Variants in EEF1AKMT1 observed in about 807,000 individuals in gnomAD.
The protein encoded by EEF1AKMT1 is N-6 adenine-specific DNA methyltransferase 2 (putative).
In EEF1AKMT1, 18 loss-of-function variants were observed where a neutral mutation model predicts 21.0. That is an observed-to-expected ratio of 0.86 (90% confidence interval 0.59 to 1.27). EEF1AKMT1 has a LOEUF of 1.27. Among genes scored for constraint, EEF1AKMT1 ranks in the 50% most tolerant of loss-of-function variants. The pLI, the probability that EEF1AKMT1 is intolerant of heterozygous loss-of-function variation, is 0.00. For synonymous variants in EEF1AKMT1, 109 were observed against 94.8 expected (o/e 1.15, Z -0.87); for missense variants, 246 against 258.6 (o/e 0.95, Z 0.33).
intron 2 of EEF1AKMT1, among the ~76,000 whole-genome samples, chr13:20,743,140 C>T (rs2058881803): frequency 6.6e-6 from 1 of 152,148 alleles, no homozygotes; most frequent in African/African-American, 2.4e-5. Context: ...AATCTCAGCT[C>T]ACTACAACCT....
chr13:20,731,280 C>G (rs1018692099), intron 4 of EEF1AKMT1, among the ~76,000 whole-genome samples: 2 of 152,206 alleles, frequency 1.3e-5, no homozygotes, highest in East Asian at 3.8e-4. Context: ...CTCAGATTTA[C>G]TCTATTGAAT....
At chr13:20,759,424 C>T (rs61955739) in intron 1 of EEF1AKMT1, among the ~76,000 whole-genome samples, 2 of 151,626 alleles carry the variant, frequency 1.3e-5, no homozygotes, top group African/African-American at 2.4e-5. Flanking sequence ...CTAAAAAATA[C>T]AAACAATTCG....
chr13:20,751,916 AG>A (rs1274081502), intron 2 of EEF1AKMT1, among the ~76,000 whole-genome samples: 1 of 152,106 alleles, frequency 6.6e-6, no homozygotes, highest in Admixed American at 6.6e-5. Flanking sequence ...TATTGTAAAC[AG>A]GATTGCCTTC....
chr13:20,743,611 G>A (rs1282929301), intron 2 of EEF1AKMT1, among the ~76,000 whole-genome samples: 8 of 149,886 alleles, frequency 5.3e-5, no homozygotes, highest in African/African-American at 2.0e-4. Flanking sequence ...GTTTGCTTGA[G>A]AGCAAGGGCA....
At chr13:20,749,740 C>T (rs1040666062) in intron 2 of EEF1AKMT1, among the ~76,000 whole-genome samples, 1 of 152,052 alleles carries the variant, frequency 6.6e-6, no homozygotes, top group Admixed American at 6.6e-5. Context: ...AAAAATAATT[C>T]TAGGGTGAAC....
chr13:20,748,429 C>T (rs945422073), intron 2 of EEF1AKMT1, among the ~76,000 whole-genome samples: 3 of 144,740 alleles, frequency 2.1e-5, no homozygotes, highest in African/African-American at 5.1e-5. Context: ...AGCTAGACTC[C>T]GTCCAAAAAA....
rs950082122 is a variant in EEF1AKMT1, at chr13:20,773,035, G to C, written c.-20+886C>G. ...CTCCAAATACTTTTTATAAATTGCT[G>C]GATGATTCTCCCCTTAATCCAATTT... On this transcript the variant is annotated intron_variant, in intron 1 of 4. Coordinates refer to ENST00000382758, the MANE Select transcript of EEF1AKMT1 (RefSeq NM_001318939.2). Among the ~76,000 whole-genome samples, 7 of 152,180 alleles carry C rather than the reference G, an allele frequency of 4.6e-5. No homozygotes were observed. The East Asian group carries it at 1.2e-3, about 25-fold the overall frequency.
intron 2 of EEF1AKMT1, among the ~76,000 whole-genome samples, chr13:20,750,021 A>G (rs1293675272): frequency 6.6e-6 from 1 of 152,078 alleles, no homozygotes; most frequent in Non-Finnish European, 1.5e-5. Context: ...TTTTTCTGGA[A>G]TCTTATTTGT....
intron 2 of EEF1AKMT1, among the ~76,000 whole-genome samples, chr13:20,739,320 T>C (rs1028628356): frequency 6.6e-6 from 1 of 152,156 alleles, no homozygotes; most frequent in East Asian, 1.9e-4. Context: ...GAACAAACCT[T>C]CCACAGCATG....
At chr13:20,747,121 C>A in intron 2 of EEF1AKMT1, 1 of 157,918 alleles carries the variant, frequency 6.3e-6, no homozygotes, top group South Asian at 1.9e-4. Context: ...TTATCACCCT[C>A]ATCAGGGAGA....
intron 2 of EEF1AKMT1, among the ~76,000 whole-genome samples, chr13:20,742,638 C>T (rs1005066112): frequency 1.3e-5 from 2 of 152,178 alleles, no homozygotes; most frequent in African/African-American, 4.8e-5. Flanking sequence ...CATTTGATTC[C>T]TCCCACCTCC....
rs938986741 is a variant in EEF1AKMT1 at position 20,744,857 on chromosome 13, T to C, written c.145-7052A>G. On this transcript the variant is annotated intron_variant, in intron 2 of 4. Transcript: ENST00000382758. ...TCTTTAATTCATCTTCAGTTAATTT[T>C]TTTATAAGGTGTAAGGAAGGGGCCC... is the stretch of plus-strand genomic sequence containing the variant. Among the ~76,000 whole-genome samples the C allele has an allele frequency of 7.7e-4, 118 of 152,358 alleles. 1 individual carries two copies. Among genetic ancestry groups the C allele is most frequent in the African/African-American group, 2.8e-3 (117 of 41,590 alleles).
intron 1 of EEF1AKMT1, among the ~76,000 whole-genome samples, chr13:20,771,894 C>A (rs2059064517): frequency 6.6e-6 from 1 of 152,018 alleles, no homozygotes; most frequent in Admixed American, 6.5e-5. Context: ...ACCTATAGCG[C>A]CAGCTACTCA....
At chr13:20,759,290 C>T (rs2058986344) in intron 1 of EEF1AKMT1, among the ~76,000 whole-genome samples, 1 of 152,174 alleles carries the variant, frequency 6.6e-6, no homozygotes, top group Admixed American at 6.6e-5. Flanking sequence ...CTATAAGAAA[C>T]TTAAATCGGC....
chr13:20,744,131 C>T lies in EEF1AKMT1; in HGVS notation c.145-6326G>A, dbSNP rs189899702. On this transcript the variant is annotated intron_variant, in intron 2 of 4. Transcript: ENST00000382758. ...TTGGGTTGGTTCCAAGTCTTTGCTACTGTAAACAGTGCTGCAATAAACATA... is the reference window on the plus strand; with the variant it reads ...TTGGGTTGGTTCCAAGTCTTTGCTATTGTAAACAGTGCTGCAATAAACATA... Among the ~76,000 whole-genome samples the T allele has an allele frequency of 1.8e-3, 280 of 152,300 alleles. 2 individuals are homozygous for T. Among genetic ancestry groups the T allele is most frequent in the African/African-American group, 6.5e-3 (271 of 41,562 alleles).
At chr13:20,738,539 T>C (rs778008955) in intron 2 of EEF1AKMT1, among the ~76,000 whole-genome samples, 12 of 152,286 alleles carry the variant, frequency 7.9e-5, no homozygotes, top group African/African-American at 2.2e-4. Flanking sequence ...GCATGCCAAC[T>C]GGGGGGTTCT....
At chr13:20,756,539 CA>C (rs1277922429) in intron 2 of EEF1AKMT1, among the ~76,000 whole-genome samples, 2 of 152,036 alleles carry the variant, frequency 1.3e-5, no homozygotes, top group Admixed American at 6.6e-5. Flanking sequence ...TATCTGTAGC[CA>C]AAAATGAAGC....
chr13:20,738,922 A>C (rs1012933935), intron 2 of EEF1AKMT1, among the ~76,000 whole-genome samples: 7 of 152,142 alleles, frequency 4.6e-5, no homozygotes, highest in African/African-American at 1.7e-4. Context: ...GTGTGTCCGG[A>C]ATTGGTGGGT....
At chr13:20,748,725 G>GT (rs1491496241) in intron 2 of EEF1AKMT1, among the ~76,000 whole-genome samples, 8 of 68,642 alleles carry the variant, frequency 1.2e-4, no homozygotes, top group South Asian at 6.5e-4. Context: ...GTTTTTTTTT[G>GT]GTTTTTTTTT....
Sources: allele counts gnomAD v4.1 joint callset (sites outside exome capture counted in the v4.1 genomes callset), GRCh38; gene constraint gnomAD v4.1.1; transcripts MANE v1.5; gene names NCBI Gene and HGNC (gene_info 2026-07-23, HGNC 2026-07-21).